Variants in TLR7 observed in about 807,000 individuals in gnomAD.
TLR7 encodes toll like receptor 7.
A neutral mutation model predicts 38.3 loss-of-function variants in TLR7; 12 were observed. The ratio of observed to expected loss-of-function variants is 0.31; its 90% CI spans 0.20 to 0.51. The LOEUF (loss-of-function observed/expected upper bound fraction) is 0.51, where lower values mean the gene tolerates loss of function less well. Ranked by LOEUF, TLR7 falls within the 20% of genes least tolerant of loss-of-function variation. TLR7 has a pLI of 0.98. For synonymous variants in TLR7, 285 were observed against 293.8 expected (o/e 0.97, Z 0.31); for missense variants, 504 against 743.4 (o/e 0.68, Z 3.74).
intron 2 of TLR7, among the ~76,000 whole-genome samples, chrX:12,870,206 T>A (rs2042847627): frequency 9.0e-6 from 1 of 111,529 alleles, no homozygotes; most frequent in Non-Finnish European, 1.9e-5. Context: ...TTTATGAAAG[T>A]CAGAGAGCTC....
chrX:12,884,193 C>T (rs1030120779), intron 2 of TLR7, among the ~76,000 whole-genome samples: 6 of 111,597 alleles, frequency 5.4e-5, no homozygotes, highest in Non-Finnish European at 9.4e-5. Context: ...GTTGCCCAGG[C>T]TAGTCTTGAA....
chrX:12,881,638 G>T (rs2042892963), intron 2 of TLR7, among the ~76,000 whole-genome samples: 1 of 105,850 alleles, frequency 9.4e-6, no homozygotes, highest in African/African-American at 3.5e-5. Context: ...AATCCTATAT[G>T]TCACTGCAGA....
chrX:12,882,134 G>C (rs568187910), intron 2 of TLR7, among the ~76,000 whole-genome samples: 8 of 111,784 alleles, frequency 7.2e-5, no homozygotes, highest in Middle Eastern at 9.2e-3. Flanking sequence ...GCTGATATGT[G>C]GTAAAGGAGG....
intron 2 of TLR7, among the ~76,000 whole-genome samples, chrX:12,868,295 G>A (rs765744807): frequency 1.8e-5 from 2 of 112,074 alleles, no homozygotes; most frequent in South Asian, 3.7e-4. Context: ...TGGATGGTGG[G>A]AGATGAGGAA....
At chrX:12,875,581 T>C (rs5743744) in intron 2 of TLR7, among the ~76,000 whole-genome samples, 3,726 of 111,787 alleles carry the variant, frequency 0.033, 157 homozygotes, top group African/African-American at 0.11. Flanking sequence ...AGGGACCCAG[T>C]GGGAGGTAAT....
chrX:12,877,675 A>C (rs1405051153), intron 2 of TLR7: 1 of 110,776 alleles, frequency 9.0e-6, no homozygotes, highest in East Asian at 2.8e-4. Flanking sequence ...CTGGGGTTTC[A>C]GGTTCAAAGG....
rs864058 is a variant in TLR7, at chrX:12,887,911, G to A, written c.2403G>A (p.Thr801=). Residue 801 remains threonine (T), a synonymous_variant, in exon 3 of 3, where the codon ACG becomes ACA. Transcript: ENST00000380659. ...AVWFVWWVNH[T]EVTIPYLATD... ...GGTTTGTCTGGTGGGTTAACCATAC[G>A]GAGGTGACTATTCCTTACCTGGCCA... The A allele has an allele frequency of 0.086, 103,719 of 1,209,370 alleles. 3,807 individuals are homozygous for A. The highest frequency in any genetic ancestry group is 0.24 in the African/African-American group (13,484 of 56,864).
chrX:12,870,595 TG>T (rs1033242796), intron 2 of TLR7, among the ~76,000 whole-genome samples: 2 of 111,685 alleles, frequency 1.8e-5, no homozygotes, highest in African/African-American at 6.5e-5. Flanking sequence ...AGTTTAGGGC[TG>T]GGGTTGGCAA....
intron 2 of TLR7, among the ~76,000 whole-genome samples, chrX:12,878,178 C>G (rs2042879702): frequency 8.9e-6 from 1 of 111,874 alleles, no homozygotes; most frequent in South Asian, 3.7e-4. Context: ...GAGCATATCT[C>G]TTAGAATTGG....
At chrX:12,877,483 G>A (rs1467552870) in intron 2 of TLR7, 1 of 110,605 alleles carries the variant, frequency 9.0e-6, no homozygotes, top group African/African-American at 3.3e-5. Context: ...ATGCAAACTT[G>A]CTGGGATCTC....
chrX:12,879,035 A>G (rs901621055), intron 2 of TLR7, among the ~76,000 whole-genome samples: 1 of 112,012 alleles, frequency 8.9e-6, no homozygotes, highest in Non-Finnish European at 1.9e-5. Flanking sequence ...CCAGAGCACA[A>G]CTGTATTTCC....
intron 2 of TLR7, among the ~76,000 whole-genome samples, chrX:12,874,137 TG>T (rs2042862851): frequency 9.0e-6 from 1 of 111,114 alleles, no homozygotes; most frequent in African/African-American, 3.3e-5. Flanking sequence ...CTGGCCAACA[TG>T]GTGAAACCCC....
intron 2 of TLR7, among the ~76,000 whole-genome samples, chrX:12,875,950 C>G (rs931462871): frequency 8.5e-5 from 9 of 106,351 alleles, no homozygotes; most frequent in African/African-American, 3.2e-4. Flanking sequence ...AAAACATAAA[C>G]ACACCATTTT....
Position 12,887,108 on chromosome X carries a change from A to G in TLR7, c.1600A>G (p.Asn534Asp), listed in dbSNP as rs766442623. 36 of 1,209,632 alleles carry G rather than the reference A, an allele frequency of 3.0e-5. No individual in the cohort carries two copies. The highest frequency in any genetic ancestry group is 4.0e-5 in the Non-Finnish European group (36 of 894,891). The change falls in exon 3 of 3, where the codon AAT (asparagine) becomes GAT (aspartate). Residue 534 changes from asparagine to aspartate, a missense_variant. Coordinates refer to ENST00000380659, the MANE Select transcript of TLR7 (RefSeq NM_016562.4). Reference sequence around the variant, plus strand: ...AGGAAATCTCATTAGCCAAACTCTTAATGGCAGTGAATTCCAACCTTTAGC... The same window carrying G: ...AGGAAATCTCATTAGCCAAACTCTTGATGGCAGTGAATTCCAACCTTTAGC... ...LSGNLISQTLNGSEFQPLAEL... is the reference protein window; with the variant it reads ...LSGNLISQTLDGSEFQPLAEL...
In TLR7 at chrX:12,886,114, C is replaced by G. The variant is rs2042910280; in HGVS notation, c.606C>G (p.Asn202Lys). The G allele has an allele frequency of 8.3e-7, 1 of 1,210,280 alleles. No homozygotes were observed. The highest frequency in any genetic ancestry group is 1.8e-5 in the South Asian group (1 of 56,871). Residue 202 changes from asparagine to lysine, a missense_variant, in exon 3 of 3, where the codon AAC (asparagine) becomes AAG (lysine). Physicochemically the swap from Asn to Lys is moderately conservative, Grantham distance 94. Coordinates refer to ENST00000380659, the MANE Select transcript of TLR7 (RefSeq NM_016562.4). ...SYSIEKDAFL[N>K]LTKLKVLSLK... is the part of the protein sequence containing the mutation. Reference sequence around the variant, plus strand: ...CAATAGAGAAAGATGCCTTCCTAAACTTGACAAAGTTAAAAGTGCTCTCCC... The same window carrying G: ...CAATAGAGAAAGATGCCTTCCTAAAGTTGACAAAGTTAAAAGTGCTCTCCC...
In TLR7 at chrX:12,888,146, G is replaced by C; in HGVS notation, c.2638G>C (p.Gly880Arg). ...CCATTTCTGTAAGGCCAAGATAAAGGGGTATCAGCGTCTAATATCACCAGA... is the reference window on the plus strand; with the variant it reads ...CCATTTCTGTAAGGCCAAGATAAAGCGGTATCAGCGTCTAATATCACCAGA... Reference protein sequence around the residue: ...IYHFCKAKIKGYQRLISPDCC... With the variant: ...IYHFCKAKIKRYQRLISPDCC... Residue 880 changes from glycine to arginine, a missense_variant, in exon 3 of 3, where the codon GGG becomes CGG. Physicochemically the swap from Gly to Arg is moderately radical, Grantham distance 125. Coordinates refer to ENST00000380659, the MANE Select transcript of TLR7 (RefSeq NM_016562.4). The C allele has an allele frequency of 2.5e-6, 3 of 1,211,703 alleles. No homozygotes were observed. The highest frequency in any genetic ancestry group is 3.4e-6 in the Non-Finnish European group (3 of 895,327).
intron 2 of TLR7, among the ~76,000 whole-genome samples, chrX:12,875,827 T>C (rs2042868309): frequency 8.9e-6 from 1 of 112,439 alleles, no homozygotes; most frequent in Non-Finnish European, 1.9e-5. Context: ...AACTCGGATA[T>C]GTTTTTATTA....
At chrX:12,872,349 G>C (rs866141730) in intron 2 of TLR7, among the ~76,000 whole-genome samples, 2 of 111,648 alleles carry the variant, frequency 1.8e-5, no homozygotes, top group African/African-American at 6.5e-5. Context: ...ACTGCGACTG[G>C]AATCACCTGA....
chrX:12,888,961 T>C lies in TLR7; in HGVS notation c.*303T>C. Reference sequence around the variant, plus strand: ...CTGATTCTCCTGTAATTGTGATAATTAAATATACACACAATCATGACATTG... The same window carrying C: ...CTGATTCTCCTGTAATTGTGATAATCAAATATACACACAATCATGACATTG... On this transcript the variant is annotated 3_prime_UTR_variant, in exon 3 of 3. Transcript: ENST00000380659. 1 of 237,173 alleles carries C rather than the reference T, an allele frequency of 4.2e-6. No individual in the cohort carries two copies. Among genetic ancestry groups the C allele is most frequent in the Non-Finnish European group, 7.5e-6 (1 of 132,666 alleles). 19.5% of individuals were successfully genotyped at this position (237,173 alleles called of 1,213,427 possible).
Sources: gnomAD v4.1 joint callset for allele counts (sites outside exome capture counted in the v4.1 genomes callset) on GRCh38, gnomAD v4.1.1 for gene constraint, MANE v1.5 for transcripts, NCBI Gene and HGNC (gene_info 2026-07-23, HGNC 2026-07-21) for gene names.